NR3C1: variants seen among roughly 807,000 people sequenced by gnomAD.
NR3C1 encodes glucocorticoid receptor.
Under a neutral mutation model 74.0 loss-of-function variants are expected in NR3C1, and 14 were observed. The observed-to-expected ratio is 0.19, with a 90% CI of 0.12 to 0.30. The LOEUF is 0.30. NR3C1 is among the 10% of genes least tolerant of loss of function. The probability of loss-of-function intolerance (pLI) is 1.00; values close to 1 mark genes in which losing one functional copy is unlikely to be tolerated. For synonymous variants in NR3C1, 308 were observed against 332.5 expected, an observed-to-expected ratio of 0.93 and a Z score of 0.80; for missense variants, 695 against 909.8, an observed-to-expected ratio of 0.76 and a Z score of 3.04.
At chr5:143,414,332 CCTTCTGT>C (rs1841410415) in intron 1 of NR3C1, among the ~76,000 whole-genome samples, 1 of 152,136 alleles carries the variant, frequency 6.6e-6, no homozygotes, top group South Asian at 2.1e-4. Flanking sequence ...TTATTTTGCT[CCTTCTGT>C]CTTGACAAGC....
chr5:143,390,681 A>G (rs1838071818), intron 2 of NR3C1, among the ~76,000 whole-genome samples: 1 of 152,196 alleles, frequency 6.6e-6, no homozygotes, highest in African/African-American at 2.4e-5. Flanking sequence ...CCATTTCAGA[A>G]TAGTCACCCT....
At chr5:143,309,950 T>C in intron 4 of NR3C1, 147 bp downstream of exon 4, 1 of 659,362 alleles carries the variant, frequency 1.5e-6, no homozygotes, top group Non-Finnish European at 2.7e-6. Context: ...TTCCCATTTT[T>C]ATTGGGCAGT....
chr5:143,397,161 TAA>T (rs1273046924), intron 2 of NR3C1, among the ~76,000 whole-genome samples: 1 of 151,880 alleles, frequency 6.6e-6, no homozygotes, highest in Non-Finnish European at 1.5e-5. Context: ...CCCCAGAGAA[TAA>T]AGTGAGGATT....
At chr5:143,320,816 G>A (rs775419152) in intron 2 of NR3C1, among the ~76,000 whole-genome samples, 5 of 152,082 alleles carry the variant, frequency 3.3e-5, no homozygotes, top group Non-Finnish European at 7.4e-5. Context: ...ATCCTTCTTT[G>A]CTCTTCAAAC....
intron 2 of NR3C1, among the ~76,000 whole-genome samples, chr5:143,336,955 G>T (rs1456855967): frequency 4.0e-5 from 6 of 149,252 alleles, no homozygotes; most frequent in Non-Finnish European, 9.0e-5. Context: ...TCCAGCCTGG[G>T]TGACAGAGTG....
chr5:143,352,013 AAG>A (rs1158114540), intron 2 of NR3C1, among the ~76,000 whole-genome samples: 6 of 152,192 alleles, frequency 3.9e-5, no homozygotes, highest in Admixed American at 3.3e-4. Flanking sequence ...ATAATAGATG[AAG>A]AGAGTTTTGT....
upstream of NR3C1, chr5:143,405,028 G>A (rs1412819627): frequency 8.2e-6 from 6 of 732,790 alleles, no homozygotes; most frequent in Non-Finnish European, 1.0e-5. Flanking sequence ...CTCGTGGTCC[G>A]TCCTGAGAAA....
At chr5:143,342,549 T>C (rs188971543) in intron 2 of NR3C1, among the ~76,000 whole-genome samples, 7 of 152,280 alleles carry the variant, frequency 4.6e-5, no homozygotes. Context: ...TTAAGAGAAG[T>C]TGGAAATGTC....
intron 1 of NR3C1, among the ~76,000 whole-genome samples, chr5:143,422,517 C>T (rs958633834): frequency 3.3e-5 from 5 of 152,126 alleles, no homozygotes; most frequent in African/African-American, 9.7e-5. Context: ...GAGGTGGAAC[C>T]TTTGGGAGGT....
chr5:143,402,284 C>G (rs1840436839), intron 1 of NR3C1, among the ~76,000 whole-genome samples: 1 of 152,146 alleles, frequency 6.6e-6, no homozygotes, highest in African/African-American at 2.4e-5. Flanking sequence ...AAAACGAAAA[C>G]GCTCCCTCAA....
At chr5:143,404,254 T>C (rs1375229610), upstream of NR3C1, 3 of 985,238 alleles carry the variant, frequency 3.0e-6, no homozygotes, top group East Asian at 1.1e-4. Flanking sequence ...CGAAAGGGGC[T>C]ACGGGGTTGC....
rs550986088 is a variant in NR3C1, at chr5:143,388,807, A to G, written c.1184+10849T>C. ...TCTTAAGTGACTAGAAGAAAAAAATATCTTGCAACTAGGGTACACAAACTG... is the reference window on the plus strand; with the variant it reads ...TCTTAAGTGACTAGAAGAAAAAAATGTCTTGCAACTAGGGTACACAAACTG... On this transcript the variant is annotated intron_variant, in intron 2 of 8. Transcript: ENST00000394464. 3.3e-4 allele frequency among the ~76,000 whole-genome samples: 50 copies of G among 152,354 alleles called. No homozygotes were observed. In the South Asian group the frequency reaches 9.5e-3, roughly 29 times the overall value.
At chr5:143,363,853 A>C (rs1254220887) in intron 2 of NR3C1, among the ~76,000 whole-genome samples, 1 of 152,170 alleles carries the variant, frequency 6.6e-6, no homozygotes, top group Non-Finnish European at 1.5e-5. Flanking sequence ...CAGTCTGAGG[A>C]AGTGAAAGAA....
chr5:143,353,498 C>G (rs1830570663), intron 2 of NR3C1, among the ~76,000 whole-genome samples: 1 of 152,280 alleles, frequency 6.6e-6, no homozygotes. Flanking sequence ...CTTGAAATCA[C>G]TCCCTGATTC....
intron 2 of NR3C1, among the ~76,000 whole-genome samples, chr5:143,331,918 C>A (rs1331689020): frequency 6.6e-6 from 1 of 152,122 alleles, no homozygotes; most frequent in Admixed American, 6.5e-5. Context: ...ACATGTACCT[C>A]TGAACCTAAA....
intron 2 of NR3C1, among the ~76,000 whole-genome samples, chr5:143,363,087 A>G (rs1832578288): frequency 6.6e-6 from 1 of 152,228 alleles, no homozygotes; most frequent in South Asian, 2.1e-4. Flanking sequence ...TAAGAGTTCA[A>G]GGCCTGCCCT....
At chr5:143,282,365 T>A (rs187197352) in intron 8 of NR3C1, among the ~76,000 whole-genome samples, 9 of 149,806 alleles carry the variant, frequency 6.0e-5, no homozygotes, top group African/African-American at 2.2e-4. Flanking sequence ...TATATACACA[T>A]GACTAGGTGA....
chr5:143,295,547 T>A lies in NR3C1; in HGVS notation c.1936A>T (p.Met646Leu). The change falls in exon 7 of 9, where the codon ATG (methionine) becomes TTG (leucine). Residue 646 changes from methionine (M) to leucine (L), a missense_variant. Met to Leu is a conservative substitution (Grantham distance 15). Coordinates refer to ENST00000394464, the MANE Select transcript of NR3C1 (RefSeq NM_000176.3). ...TGTAACTCAGAGGAAACATACAGCA[T>A]GTGTTTACATTGGTCGTACATGCAG... ...LPCMYDQCKH[M>L]LYVSSELHRL... The A allele has an allele frequency of 6.2e-7, 1 of 1,613,312 alleles. No individual in the cohort carries two copies. The highest frequency in any genetic ancestry group is 8.5e-7 in the Non-Finnish European group (1 of 1,179,470).
intron 7 of NR3C1, among the ~76,000 whole-genome samples, chr5:143,290,430 C>G (rs1396773300): frequency 1.3e-5 from 2 of 152,228 alleles, no homozygotes; most frequent in South Asian, 4.1e-4. Context: ...TTGGCCATGT[C>G]TTGGGTTATA....
Sources: allele counts gnomAD v4.1 joint callset (sites outside exome capture counted in the v4.1 genomes callset), GRCh38; gene constraint gnomAD v4.1.1; transcripts MANE v1.5; gene names NCBI Gene and HGNC (gene_info 2026-07-23, HGNC 2026-07-21).